Variants in EFCAB6 observed in about 807,000 individuals in gnomAD.
The protein encoded by EFCAB6 is EF-hand calcium binding domain 6.
Under a neutral mutation model 169.8 loss-of-function variants are expected in EFCAB6, and 156 were observed. That is an observed-to-expected ratio of 0.92 (90% CI 0.81 to 1.05). The LOEUF (loss-of-function observed/expected upper bound fraction) is 1.05. EFCAB6 is among the 50% of genes least tolerant of loss of function. The pLI, the probability that EFCAB6 is intolerant of heterozygous loss-of-function variation, is 0.00. For missense variants in EFCAB6, 1,800 were observed against 1,829.1 expected, an observed-to-expected ratio of 0.98 and a Z score of 0.29; for synonymous variants, 698 against 676.4, an observed-to-expected ratio of 1.03 and a Z score of -0.50.
In EFCAB6 at chr22:43,608,547, T is replaced by C. The variant is rs761811852; in HGVS notation, c.2616A>G (p.Ile872Met). Reference protein sequence around the residue: ...EGNGILRRRDIKNALYGFDIP... With the variant: ...EGNGILRRRDMKNALYGFDIP... ...TATCAAAACCGTACAGTGCGTTCTT[T>C]ATGTCCCGGCGTCGAAGAATGCCAT... Residue 872 changes from isoleucine to methionine, a missense_variant, in exon 22 of 32, where the codon ATA becomes ATG. Physicochemically the swap from Ile to Met is conservative, Grantham distance 10. Transcript: ENST00000262726. 8 of 1,614,214 alleles carry C rather than the reference T, an allele frequency of 5.0e-6. No individual in the cohort carries two copies. The East Asian group carries it at 8.9e-5, about 18-fold the overall frequency.
rs955735208 is a variant in EFCAB6, at chr22:43,731,820, C to T, written c.645-9G>A. The stretch of plus-strand genomic sequence containing the variant: ...TGTAGTGTTTCGAAAACCTAAAATA[C>T]AAATGTTCTTTAGTAATGAGAAATT... On this transcript the variant is annotated splice_polypyrimidine_tract_variant and intron_variant, in intron 7 of 31. Transcript: ENST00000262726. 6.6e-7 allele frequency: 1 copy of T among 1,524,548 alleles called. No homozygotes were observed. 94.4% of individuals were successfully genotyped at this position (1,524,548 alleles called of 1,614,324 possible).
At chr22:43,640,068 G>A (rs532327149) in intron 17 of EFCAB6, among the ~76,000 whole-genome samples, 1 of 152,122 alleles carries the variant, frequency 6.6e-6, no homozygotes, top group Admixed American at 6.5e-5. Context: ...TTGTATCACT[G>A]AGCATTTTTA....
intron 17 of EFCAB6, among the ~76,000 whole-genome samples, chr22:43,664,569 C>T (rs2057156366): frequency 6.6e-6 from 1 of 152,180 alleles, no homozygotes; most frequent in Non-Finnish European, 1.5e-5. Flanking sequence ...ATGTCAAGGT[C>T]ACCTTGGTGG....
intron 9 of EFCAB6, among the ~76,000 whole-genome samples, chr22:43,716,244 T>A (rs1405869454): frequency 6.6e-6 from 1 of 152,204 alleles, no homozygotes; most frequent in Non-Finnish European, 1.5e-5. Context: ...TAGCAAATTA[T>A]CTCAATAATA....
intron 10 of EFCAB6, among the ~76,000 whole-genome samples, chr22:43,696,027 C>G (rs988316441): frequency 6.6e-6 from 1 of 151,872 alleles, no homozygotes; most frequent in Non-Finnish European, 1.5e-5. Flanking sequence ...AAAGAGCAAG[C>G]CACACTGAGG....
chr22:43,789,848 C>CACACACACACAG, intron 2 of EFCAB6, among the ~76,000 whole-genome samples: 1 of 17,144 alleles, frequency 5.8e-5, no homozygotes, highest in East Asian at 3.8e-4. Context: ...GGCTAACCTT[C>CACACACACACAG]ACACACACAC....
chr22:43,718,671 C>T (rs1387570393), intron 8 of EFCAB6, among the ~76,000 whole-genome samples: 1 of 152,148 alleles, frequency 6.6e-6, no homozygotes, highest in African/African-American at 2.4e-5. Context: ...GTCCCAGCTC[C>T]TCGGGAGGCT....
At chr22:43,683,521 T>C (rs1021779880) in intron 12 of EFCAB6, 14 of 522,518 alleles carry the variant, frequency 2.7e-5, no homozygotes, top group Admixed American at 1.9e-4. Flanking sequence ...TGTTACTGTA[T>C]TGCAATTAAT....
intron 22 of EFCAB6, among the ~76,000 whole-genome samples, chr22:43,600,889 C>G (rs1012568279): frequency 3.3e-5 from 5 of 152,198 alleles, no homozygotes; most frequent in African/African-American, 1.2e-4. Flanking sequence ...TCTCAAACTC[C>G]TGACCTCAGG....
At chr22:43,683,287 T>C (rs1378464322) in intron 12 of EFCAB6, among the ~76,000 whole-genome samples, 1 of 152,224 alleles carries the variant, frequency 6.6e-6, no homozygotes, top group African/African-American at 2.4e-5. Context: ...ATTCATGAAT[T>C]AGCCTCTCTT....
chr22:43,799,494 A>C (rs1436130915), intron 2 of EFCAB6, among the ~76,000 whole-genome samples: 1 of 152,232 alleles, frequency 6.6e-6, no homozygotes, highest in Non-Finnish European at 1.5e-5. Context: ...AGTTAAATTG[A>C]TGTTGTACCA....
At chr22:43,564,645 G>C (rs2049307455) in intron 26 of EFCAB6, among the ~76,000 whole-genome samples, 1 of 152,124 alleles carries the variant, frequency 6.6e-6, no homozygotes, top group Admixed American at 6.5e-5. Context: ...GAACTGGCTA[G>C]AGAGGGGAGG....
chr22:43,729,473 A>T (rs186212909), intron 8 of EFCAB6, among the ~76,000 whole-genome samples: 7 of 152,338 alleles, frequency 4.6e-5, no homozygotes, highest in Admixed American at 4.6e-4. Flanking sequence ...GCACCAAAAA[A>T]TTTAATAATA....
intron 4 of EFCAB6, among the ~76,000 whole-genome samples, chr22:43,771,314 C>T (rs1245158513): frequency 6.6e-6 from 1 of 151,998 alleles, no homozygotes; most frequent in Non-Finnish European, 1.5e-5. Context: ...GCCTGTAATC[C>T]CACTATTCGG....
intron 8 of EFCAB6, among the ~76,000 whole-genome samples, chr22:43,729,808 A>G (rs1373694797): frequency 6.6e-6 from 1 of 152,224 alleles, no homozygotes; most frequent in African/African-American, 2.4e-5. Context: ...AGCAAAGAAT[A>G]GGATAGACCT....
chr22:43,698,442 A>G (rs1299144972), intron 10 of EFCAB6, among the ~76,000 whole-genome samples: 1 of 152,182 alleles, frequency 6.6e-6, no homozygotes, highest in African/African-American at 2.4e-5. Flanking sequence ...TGCTGTATCC[A>G]TCACCAAGAT....
chr22:43,776,335 G>T (rs565370624), intron 3 of EFCAB6, among the ~76,000 whole-genome samples: 37 of 152,326 alleles, frequency 2.4e-4, no homozygotes, highest in Admixed American at 1.6e-3. Flanking sequence ...TTCAACCACT[G>T]TTTTCAGCCC....
rs374149546 is a variant in EFCAB6, at chr22:43,711,481, A to G, written c.1025T>C (p.Met342Thr). Reference sequence around the variant, plus strand: ...GAAACAATGAGACTCTTACCTTTTCATTAACTGGATAAAAATTCTTCTTGG... The same window carrying G: ...GAAACAATGAGACTCTTACCTTTTCGTTAACTGGATAAAAATTCTTCTTGG... ...QIPRRIFIQL[M>T]KRFGLKATTK... The change falls in exon 10 of 32, where the codon ATG (methionine) becomes ACG (threonine). Residue 342 changes from methionine (M) to threonine (T), a missense_variant. Met to Thr is a moderately conservative substitution (Grantham distance 81). Coordinates refer to ENST00000262726, the MANE Select transcript of EFCAB6 (RefSeq NM_022785.4). 2 of 1,580,128 alleles carry G rather than the reference A, an allele frequency of 1.3e-6. No homozygotes were observed. The highest frequency in any genetic ancestry group is 1.7e-6 in the Non-Finnish European group (2 of 1,170,126).
chr22:43,718,055 T>TCCAC (rs1569435398), intron 8 of EFCAB6, among the ~76,000 whole-genome samples: 1 of 103,550 alleles, frequency 9.7e-6, no homozygotes, highest in South Asian at 3.3e-4. Context: ...CATCCATCCA[T>TCCAC]CCATCCACCC....
Sources: gnomAD v4.1 joint callset for allele counts (sites outside exome capture counted in the v4.1 genomes callset) on GRCh38, gnomAD v4.1.1 for gene constraint, MANE v1.5 for transcripts, NCBI Gene and HGNC (gene_info 2026-07-23, HGNC 2026-07-21) for gene names.